The following ROBO2 variants were observed in gnomAD, a reference collection of about 807,000 sequenced individuals.
ROBO2 encodes roundabout guidance receptor 2.
In ROBO2, 53 loss-of-function variants were observed where a neutral mutation model predicts 160.8. That is an observed-to-expected ratio of 0.33 (90% CI 0.26 to 0.41). The LOEUF is 0.41. ROBO2 is among the 10% of genes least tolerant of loss of function. The pLI, the probability that ROBO2 is intolerant of heterozygous loss-of-function variation, is 1.00. For synonymous variants in ROBO2, 664 were observed against 611.7 expected, an observed-to-expected ratio of 1.09 and a Z score of -1.26; for missense variants, 1,577 against 1,722.4, an observed-to-expected ratio of 0.92 and a Z score of 1.49.
intron 2 of ROBO2, among the ~76,000 whole-genome samples, chr3:76,256,346 TC>T (rs1706376366): frequency 1.2e-5 from 1 of 82,704 alleles, no homozygotes; most frequent in Non-Finnish European, 2.4e-5. Flanking sequence ...TCTCTCTCTC[TC>T]TCTCTCACAT....
chr3:77,170,125 A>C (rs1343373767), intron 2 of ROBO2, among the ~76,000 whole-genome samples: 1 of 151,956 alleles, frequency 6.6e-6, no homozygotes, highest in Non-Finnish European at 1.5e-5. Context: ...ATTCTCTGTC[A>C]CTGTAGCTGA....
At chr3:76,953,859 C>T (rs1027875979) in intron 2 of ROBO2, among the ~76,000 whole-genome samples, 2 of 152,000 alleles carry the variant, frequency 1.3e-5, no homozygotes, top group Admixed American at 6.6e-5. Flanking sequence ...CACAGGTGCA[C>T]GTGTTACCAT....
intron 2 of ROBO2, among the ~76,000 whole-genome samples, chr3:77,164,070 A>C (rs953086471): frequency 3.3e-5 from 5 of 152,156 alleles, no homozygotes; most frequent in African/African-American, 4.8e-5. Flanking sequence ...GAGATGCTAC[A>C]TGAATGTTGA....
chr3:76,435,116 A>G, intron 2 of ROBO2: 4 of 946,804 alleles, frequency 4.2e-6, no homozygotes, highest in Non-Finnish European at 7.0e-6. Flanking sequence ...CCATTACAGT[A>G]GATAACTGTA....
At chr3:77,473,092 T>C (rs560922914) in intron 2 of ROBO2, among the ~76,000 whole-genome samples, 31 of 151,842 alleles carry the variant, frequency 2.0e-4, no homozygotes, top group African/African-American at 6.8e-4. Context: ...CGAGATGCGG[T>C]TGGTTTTATA....
chr3:76,508,330 G>T (rs1248321896), intron 2 of ROBO2, among the ~76,000 whole-genome samples: 1 of 151,956 alleles, frequency 6.6e-6, no homozygotes, highest in Admixed American at 6.6e-5. Context: ...TTGGCAACAT[G>T]AACTGCATTC....
chr3:77,472,147 A>G (rs773632279), intron 2 of ROBO2, among the ~76,000 whole-genome samples: 2 of 152,096 alleles, frequency 1.3e-5, no homozygotes, highest in African/African-American at 4.8e-5. Context: ...GAAGGTCACA[A>G]TCTTTTATAA....
intron 2 of ROBO2, chr3:77,316,782 C>G: frequency 7.9e-7 from 1 of 1,259,892 alleles, no homozygotes; most frequent in Non-Finnish European, 1.2e-6. Flanking sequence ...CTAGACCAAG[C>G]TTGTGGCCAC....
intron 2 of ROBO2, among the ~76,000 whole-genome samples, chr3:77,203,204 T>C (rs114464386): frequency 0.024 from 3,724 of 152,326 alleles, 67 homozygotes; most frequent in South Asian, 0.078. Context: ...GCTACCCTAA[T>C]TGTGTGAAGG....
intron 2 of ROBO2, among the ~76,000 whole-genome samples, chr3:77,367,363 G>C (rs1388015610): frequency 6.6e-6 from 1 of 151,976 alleles, no homozygotes; most frequent in Non-Finnish European, 1.5e-5. Context: ...AGTGTCCTTG[G>C]AGTACGGCAT....
intron 2 of ROBO2, among the ~76,000 whole-genome samples, chr3:76,500,915 A>T (rs1368786082): frequency 1.3e-5 from 2 of 152,132 alleles, no homozygotes; most frequent in Non-Finnish European, 2.9e-5. Context: ...GGGGTTATGA[A>T]TCATCACTTG....
At chr3:76,342,568 T>C (rs1435203250) in intron 2 of ROBO2, among the ~76,000 whole-genome samples, 1 of 152,116 alleles carries the variant, frequency 6.6e-6, no homozygotes, top group East Asian at 1.9e-4. Context: ...AATCTACCTT[T>C]TGCTCTGGAT....
intron 2 of ROBO2, among the ~76,000 whole-genome samples, chr3:77,159,511 G>A (rs2078304627): frequency 6.6e-6 from 1 of 152,106 alleles, no homozygotes; most frequent in Non-Finnish European, 1.5e-5. Flanking sequence ...TGGATGCCTG[G>A]TCAGTAGAAC....
At chr3:77,155,009 GAAACTA>G (rs1274267240) in intron 2 of ROBO2, among the ~76,000 whole-genome samples, 3 of 151,666 alleles carry the variant, frequency 2.0e-5, no homozygotes, top group Non-Finnish European at 4.4e-5. Flanking sequence ...TATACTCCCT[GAAACTA>G]AAAGTTCAAA....
chr3:76,809,636 G>A (rs1010244548), intron 2 of ROBO2, among the ~76,000 whole-genome samples: 1 of 152,040 alleles, frequency 6.6e-6, no homozygotes, highest in Non-Finnish European at 1.5e-5. Context: ...ACTATGAATG[G>A]GAAGCTGAAT....
intron 2 of ROBO2, among the ~76,000 whole-genome samples, chr3:76,798,129 G>C (rs527910373): frequency 3.7e-5 from 3 of 82,166 alleles, no homozygotes; most frequent in African/African-American, 1.4e-4. Context: ...AAAGAAGAAA[G>C]AAAGAAGAAA....
intron 2 of ROBO2, among the ~76,000 whole-genome samples, chr3:76,738,949 G>T (rs904639310): frequency 5.3e-5 from 8 of 152,082 alleles, no homozygotes; most frequent in African/African-American, 1.9e-4. Flanking sequence ...AACTAACTCA[G>T]CAAGCAAAAA....
At chr3:76,362,432 G>C (rs891715529) in intron 2 of ROBO2, among the ~76,000 whole-genome samples, 2 of 152,016 alleles carry the variant, frequency 1.3e-5, no homozygotes, top group Non-Finnish European at 2.9e-5. Flanking sequence ...ATGGTAATTG[G>C]TTGCTTAGTT....
At chr3:76,252,755 GTA>G (rs10575369) in intron 2 of ROBO2, among the ~76,000 whole-genome samples, 4,585 of 42,340 alleles carry the variant, frequency 0.11, 106 homozygotes, top group East Asian at 0.22. Flanking sequence ...GCATGTATAT[GTA>G]TACACACACA....
Sources: gnomAD v4.1 joint callset for allele counts (sites outside exome capture counted in the v4.1 genomes callset) on GRCh38, gnomAD v4.1.1 for gene constraint, MANE v1.5 for transcripts, NCBI Gene and HGNC (gene_info 2026-07-23, HGNC 2026-07-21) for gene names.